KLHL29: variants seen among roughly 807,000 people sequenced by gnomAD.
The protein encoded by KLHL29 is kelch-like protein 29.
A neutral mutation model predicts 80.4 loss-of-function variants in KLHL29; 21 were observed. That is an observed-to-expected ratio of 0.26 (90% CI 0.19 to 0.38). KLHL29 has a LOEUF of 0.38. KLHL29 is among the 10% of genes least tolerant of loss of function. The pLI, the probability that KLHL29 is intolerant of heterozygous loss-of-function variation, is 1.00. For missense variants in KLHL29, 867 were observed against 1,223.9 expected, an observed-to-expected ratio of 0.71 and a Z score of 4.35; for synonymous variants, 511 against 526.8, an observed-to-expected ratio of 0.97 and a Z score of 0.41.
In KLHL29 at chr2:23,596,637, A is replaced by G. The variant is rs971220559; in HGVS notation, c.285+34156A>G. 6.6e-6 allele frequency among the ~76,000 whole-genome samples: 1 copy of G among 152,208 alleles called. No homozygotes were observed. Among genetic ancestry groups the G allele is most frequent in the African/African-American group, 2.4e-5 (1 of 41,458 alleles). On this transcript the variant is annotated intron_variant, in intron 3 of 13. Transcript: ENST00000486442. This position sits in a 1 kb window ranked among gnomAD's most constrained non-coding sequence, Gnocchi z 4.4. Reference sequence around the variant, plus strand: ...ATCATGTCTGGGGACGTATGCTGCCATCGTGGGAATGTGCCTCTTTAGCAC... The same window carrying G: ...ATCATGTCTGGGGACGTATGCTGCCGTCGTGGGAATGTGCCTCTTTAGCAC...
At chr2:23,400,121 G>A (rs1666550813) in intron 1 of KLHL29, among the ~76,000 whole-genome samples, 2 of 152,320 alleles carry the variant, frequency 1.3e-5, no homozygotes, top group Middle Eastern at 3.4e-3. Flanking sequence ...GGGACAGGAA[G>A]TGGACAGATG....
chr2:23,616,853 G>A (rs1669022173), intron 3 of KLHL29: 1 of 152,226 alleles, frequency 6.6e-6, no homozygotes, highest in South Asian at 2.1e-4. Flanking sequence ...TCAGACCTCG[G>A]CGGGCAGCGA....
At chr2:23,474,922 TAGATTA>T (rs1244880938) in intron 1 of KLHL29, among the ~76,000 whole-genome samples, 1 of 151,918 alleles carries the variant, frequency 6.6e-6, no homozygotes, top group Non-Finnish European at 1.5e-5. Context: ...GGCTTTCTCA[TAGATTA>T]CATTTAAAAG....
At chr2:23,385,953 C>T (rs1441057197) in intron 1 of KLHL29, among the ~76,000 whole-genome samples, 173 bp downstream of exon 1, 1 of 151,952 alleles carries the variant, frequency 6.6e-6, no homozygotes, top group Non-Finnish European at 1.5e-5. Context: ...CGTCTGGACT[C>T]GCAGGCTGCA....
intron 1 of KLHL29, among the ~76,000 whole-genome samples, chr2:23,435,227 C>T (rs1663305124): frequency 6.6e-6 from 1 of 152,088 alleles, no homozygotes; most frequent in Non-Finnish European, 1.5e-5. Flanking sequence ...TAGGAGATGG[C>T]ACTGGGGAGG....
chr2:23,425,804 G>T (rs1662990544), intron 1 of KLHL29, among the ~76,000 whole-genome samples: 1 of 152,212 alleles, frequency 6.6e-6, no homozygotes, highest in Admixed American at 6.5e-5. Context: ...GTGGAATTTT[G>T]TTCCTTGTAC....
intron 3 of KLHL29, among the ~76,000 whole-genome samples, chr2:23,609,151 G>A (rs1211730102): frequency 6.6e-6 from 1 of 152,188 alleles, no homozygotes. Context: ...GAACATGCCA[G>A]GCAGTGTGCT....
At chr2:23,470,654 A>G (rs1572341061) in intron 1 of KLHL29, among the ~76,000 whole-genome samples, 1 of 152,318 alleles carries the variant, frequency 6.6e-6, no homozygotes, top group Admixed American at 6.5e-5. Context: ...CTTTGAATAC[A>G]GCCTACAAAA....
intron 2 of KLHL29, among the ~76,000 whole-genome samples, chr2:23,476,655 A>G (rs1223517501): frequency 6.6e-6 from 1 of 152,254 alleles, no homozygotes; most frequent in Non-Finnish European, 1.5e-5. Context: ...GACATTTAGC[A>G]TATTTTAAAT....
chr2:23,520,348 A>T (rs1268630803), intron 2 of KLHL29, among the ~76,000 whole-genome samples: 2 of 152,154 alleles, frequency 1.3e-5, no homozygotes, highest in African/African-American at 4.8e-5. Flanking sequence ...ATCTGCACCC[A>T]GGGAGGGCTG....
chr2:23,447,032 G>A (rs1296186840), intron 1 of KLHL29, among the ~76,000 whole-genome samples: 1 of 152,230 alleles, frequency 6.6e-6, no homozygotes, highest in Non-Finnish European at 1.5e-5. Flanking sequence ...ATCGTTTTCA[G>A]TGAGATAGGA....
At position 23,642,866 on chromosome 2, in the gene KLHL29, A is replaced by C; in HGVS notation, c.940+16A>C. ...CACCCCAGAGGTAAGTCCTGCTGCC[A>C]CGTGCCTCCCCACGGGCCTGCGTCT... On this transcript the variant is annotated intron_variant, in intron 5 of 13. Transcript: ENST00000486442. The C allele has an allele frequency of 6.5e-7, 1 of 1,550,068 alleles. No homozygotes were observed.
At chr2:23,395,793 C>G (rs183604500) in intron 1 of KLHL29, among the ~76,000 whole-genome samples, 1 of 152,116 alleles carries the variant, frequency 6.6e-6, no homozygotes, top group East Asian at 1.9e-4. Flanking sequence ...GCATTCAACA[C>G]TGCCTTGGCA....
chr2:23,699,217 G>GTT (rs1328692475), intron 11 of KLHL29, among the ~76,000 whole-genome samples: 1 of 152,192 alleles, frequency 6.6e-6, no homozygotes, highest in African/African-American at 2.4e-5. Context: ...CTGTGACTGA[G>GTT]TTATGACTGG....
At chr2:23,566,245 A>G (rs1667587156) in intron 3 of KLHL29, among the ~76,000 whole-genome samples, 1 of 152,186 alleles carries the variant, frequency 6.6e-6, no homozygotes, top group Admixed American at 6.5e-5. Flanking sequence ...CCCGCAACAC[A>G]CACTCATGGC....
intron 5 of KLHL29, among the ~76,000 whole-genome samples, chr2:23,653,490 A>C (rs559123310): frequency 9.9e-5 from 15 of 152,182 alleles, no homozygotes; most frequent in Non-Finnish European, 1.8e-4. Flanking sequence ...AGAGCAGCAC[A>C]TCCCACCGGG....
intron 11 of KLHL29, chr2:23,697,311 G>A (rs899408164): frequency 2.6e-5 from 4 of 152,194 alleles, no homozygotes. Flanking sequence ...ACAGATGCCT[G>A]GGGGAAAAGC....
At chr2:23,491,424 G>C (rs772550134) in intron 2 of KLHL29, among the ~76,000 whole-genome samples, 8 of 152,092 alleles carry the variant, frequency 5.3e-5, no homozygotes, top group African/African-American at 1.4e-4. Flanking sequence ...AAAAGGCAGA[G>C]GGAAGGCCTA....
At chr2:23,540,839 G>A (rs2103483488) in intron 2 of KLHL29, among the ~76,000 whole-genome samples, 1 of 152,314 alleles carries the variant, frequency 6.6e-6, no homozygotes, top group South Asian at 2.1e-4. Flanking sequence ...CCAGGAGTAG[G>A]CCCTGCTTAC....
Sources: gnomAD v4.1 joint callset for allele counts (sites outside exome capture counted in the v4.1 genomes callset) on GRCh38, gnomAD v4.1.1 for gene constraint, Gnocchi (gnomAD v3.1) non-coding constraint, MANE v1.5 for transcripts, NCBI Gene and HGNC (gene_info 2026-07-23, HGNC 2026-07-21) for gene names.